XXYLT1: variants seen among roughly 807,000 people sequenced by gnomAD.
XXYLT1 encodes the protein UDP-xylose:alpha-xyloside alpha-1,3-xylosyltransferase.
Under a neutral mutation model 28.9 loss-of-function variants are expected in XXYLT1, and 20 were observed. The ratio of observed to expected loss-of-function variants is 0.69; its 90% confidence interval spans 0.49 to 1.00. The LOEUF (loss-of-function observed/expected upper bound fraction) is 1.00, where lower values mean the gene tolerates loss of function less well. Among genes scored for constraint, XXYLT1 ranks in the 50% least tolerant of loss-of-function variants. The pLI, the probability that XXYLT1 is intolerant of heterozygous loss-of-function variation, is 0.00. For synonymous variants in XXYLT1, 257 were observed against 253.8 expected, an observed-to-expected ratio of 1.01 and a Z score of -0.12; for missense variants, 542 against 560.1, an observed-to-expected ratio of 0.97 and a Z score of 0.33.
At chr3:195,185,605 C>T (rs1722164847) in intron 2 of XXYLT1, among the ~76,000 whole-genome samples, 2 of 148,582 alleles carry the variant, frequency 1.3e-5, no homozygotes, top group African/African-American at 5.0e-5. Flanking sequence ...CTTCTGACTT[C>T]AGAGCTGTGG....
intron 2 of XXYLT1, among the ~76,000 whole-genome samples, chr3:195,170,501 T>A (rs182638838): frequency 6.6e-6 from 1 of 152,204 alleles, no homozygotes; most frequent in Admixed American, 6.5e-5. Context: ...CACAAGATGG[T>A]TGACTGGACT....
chr3:195,214,464 C>G (rs1300426342), intron 2 of XXYLT1, among the ~76,000 whole-genome samples: 1 of 152,136 alleles, frequency 6.6e-6, no homozygotes, highest in African/African-American at 2.4e-5. Context: ...AATCCTCAGA[C>G]CACTTCTTTC....
chr3:195,204,321 G>A (rs1478955712), intron 2 of XXYLT1, among the ~76,000 whole-genome samples: 11 of 150,444 alleles, frequency 7.3e-5, no homozygotes, highest in East Asian at 3.9e-4. Context: ...CCAGCCTGGC[G>A]ACAGAGCAAG....
intron 2 of XXYLT1, among the ~76,000 whole-genome samples, chr3:195,190,132 C>CAAAAAAAAAAAAAAAAAAAAA (rs763683271): frequency 5.6e-5 from 8 of 142,804 alleles, no homozygotes; most frequent in African/African-American, 2.3e-4. Flanking sequence ...TTCAAAAATG[C>CAAAAAAAAAAAAAAAAAAAAA]AAAAAAAAAG....
In XXYLT1 at chr3:195,210,663, T is replaced by C. The variant is rs1560153998; in HGVS notation, c.652+16046A>G. Among the ~76,000 whole-genome samples the C allele has an allele frequency of 2.0e-5, 3 of 152,256 alleles. No individual in the cohort carries two copies. The highest frequency in any genetic ancestry group is 2.0e-4 in the Admixed American group (3 of 15,290). Reference sequence around the variant, plus strand: ...TAGAAAATGGTCTCTACCACGTTACTATTTTTAGCATTTTATGACAAATTT... The same window carrying C: ...TAGAAAATGGTCTCTACCACGTTACCATTTTTAGCATTTTATGACAAATTT... On this transcript the variant is annotated intron_variant, in intron 2 of 3. Coordinates refer to ENST00000310380, the MANE Select transcript of XXYLT1 (RefSeq NM_152531.5). This position sits in a 1 kb window ranked among gnomAD's most constrained non-coding sequence, Gnocchi z 4.8.
chr3:195,101,956 G>T (rs1716803495), intron 3 of XXYLT1, among the ~76,000 whole-genome samples: 1 of 62,708 alleles, frequency 1.6e-5, no homozygotes, highest in Non-Finnish European at 3.5e-5. Context: ...AAAGGGAGGG[G>T]AGGGGAGGGG....
chr3:195,099,401 C>T (rs768852380), intron 3 of XXYLT1, among the ~76,000 whole-genome samples: 1 of 152,094 alleles, frequency 6.6e-6, no homozygotes, highest in Non-Finnish European at 1.5e-5. Context: ...CCAGCACCAC[C>T]ATCTGGGGCC....
chr3:195,110,251 T>TATA (rs1560100545), intron 3 of XXYLT1, among the ~76,000 whole-genome samples: 6 of 4,626 alleles, frequency 1.3e-3, no homozygotes, highest in Non-Finnish European at 1.9e-3. Context: ...CGTGTGTGGG[T>TATA]GAAGTGTGTG....
chr3:195,244,259 C>A (rs1356780321), intron 1 of XXYLT1, among the ~76,000 whole-genome samples: 1 of 152,164 alleles, frequency 6.6e-6, no homozygotes, highest in African/African-American at 2.4e-5. Flanking sequence ...GGTGATGAAA[C>A]GTCACATGTC....
At chr3:195,238,452 C>G (rs1724644534) in intron 1 of XXYLT1, among the ~76,000 whole-genome samples, 1 of 152,236 alleles carries the variant, frequency 6.6e-6, no homozygotes, top group Non-Finnish European at 1.5e-5. Flanking sequence ...GCATGGGGCA[C>G]TCCTCGTAGG....
At chr3:195,252,727 C>CACACACAGAGAGAGAGAG (rs1191544595) in intron 1 of XXYLT1, among the ~76,000 whole-genome samples, 7 of 119,006 alleles carry the variant, frequency 5.9e-5, no homozygotes, top group African/African-American at 2.8e-4. Context: ...CACACACACA[C>CACACACAGAGAGAGAGAG]AGAGAGAGAG....
chr3:195,151,841 G>A (rs1720281418), intron 3 of XXYLT1, among the ~76,000 whole-genome samples: 1 of 147,798 alleles, frequency 6.8e-6, no homozygotes, highest in South Asian at 2.3e-4. Context: ...GAGGAACAAA[G>A]CGACTGGTAA....
At chr3:195,242,289 A>C (rs1724810703) in intron 1 of XXYLT1, among the ~76,000 whole-genome samples, 1 of 152,128 alleles carries the variant, frequency 6.6e-6, no homozygotes, top group Admixed American at 6.5e-5. Flanking sequence ...TCCACATAGG[A>C]CTTACTCTAA....
chr3:195,197,023 C>T (rs774009010), intron 2 of XXYLT1, among the ~76,000 whole-genome samples: 2 of 152,132 alleles, frequency 1.3e-5, no homozygotes, highest in Non-Finnish European at 2.9e-5. Context: ...CAATATGCAC[C>T]GAGGCAATTA....
At chr3:195,123,132 T>C (rs1718448763) in intron 3 of XXYLT1, among the ~76,000 whole-genome samples, 1 of 152,120 alleles carries the variant, frequency 6.6e-6, no homozygotes, top group African/African-American at 2.4e-5. Context: ...CTAGAACTCA[T>C]TCAACCAATA....
chr3:195,182,046 T>C (rs1721977658), intron 2 of XXYLT1, among the ~76,000 whole-genome samples: 1 of 152,214 alleles, frequency 6.6e-6, no homozygotes, highest in South Asian at 2.1e-4. Flanking sequence ...TGACAGACAC[T>C]GTGAAGGGCA....
In XXYLT1 at chr3:195,161,318, C is replaced by T. The variant is rs753048446; in HGVS notation, c.653-4737G>A. ...CTCGCTCGATAGTTTGCTTGAGCCACGACACATTTCTGAGAAAAGCCTTCG... is the reference window on the plus strand; with the variant it reads ...CTCGCTCGATAGTTTGCTTGAGCCATGACACATTTCTGAGAAAAGCCTTCG... On this transcript the variant is annotated intron_variant, in intron 2 of 3. Transcript: ENST00000310380. Among the ~76,000 whole-genome samples the T allele has an allele frequency of 6.6e-5, 10 of 152,334 alleles. No homozygotes were observed. The East Asian group carries it at 9.7e-4, about 15-fold the overall frequency.
At chr3:195,166,307 T>C (rs1434797452) in intron 2 of XXYLT1, among the ~76,000 whole-genome samples, 1 of 152,260 alleles carries the variant, frequency 6.6e-6, no homozygotes, top group Non-Finnish European at 1.5e-5. Flanking sequence ...TTAAATAACA[T>C]TTGAGTTATT....
intron 1 of XXYLT1, chr3:195,247,712 G>A: frequency 1.5e-6 from 1 of 682,980 alleles, no homozygotes; most frequent in South Asian, 1.6e-5. Flanking sequence ...TTCTCACACT[G>A]CTGTAAAGAA....
Sources: allele counts gnomAD v4.1 joint callset (sites outside exome capture counted in the v4.1 genomes callset), GRCh38; gene constraint gnomAD v4.1.1; non-coding constraint Gnocchi (gnomAD v3.1); transcripts MANE v1.5; gene names NCBI Gene and HGNC (gene_info 2026-07-23, HGNC 2026-07-21).